The following CDH4 variants were observed in gnomAD, a reference collection of about 807,000 sequenced individuals.
CDH4 encodes the protein cadherin 4.
Under a neutral mutation model 86.0 loss-of-function variants are expected in CDH4, and 33 were observed. The ratio of observed to expected loss-of-function variants is 0.38; its 90% CI spans 0.29 to 0.51. The LOEUF is 0.51. Among genes scored for constraint, CDH4 ranks in the 20% least tolerant of loss-of-function variants. The pLI is 0.86. For missense variants in CDH4, 1,114 were observed against 1,307.4 expected (o/e 0.85, Z 2.28); for synonymous variants, 555 against 549.4 (o/e 1.01, Z -0.14).
intron 4 of CDH4, among the ~76,000 whole-genome samples, chr20:61,776,057 G>T (rs77495242): frequency 2.0e-5 from 3 of 152,176 alleles, no homozygotes; most frequent in Non-Finnish European, 2.9e-5. Context: ...GCTGGGACAG[G>T]CCCCATGAAA....
At chr20:61,658,667 C>T (rs1368668218) in intron 2 of CDH4, among the ~76,000 whole-genome samples, 4 of 152,206 alleles carry the variant, frequency 2.6e-5, no homozygotes, top group Non-Finnish European at 5.9e-5. Flanking sequence ...GTCTCAGCAC[C>T]AGCTGGGGCC....
chr20:61,309,965 G>A lies in CDH4; in HGVS notation c.169+55028G>A, dbSNP rs144300991. On this transcript the variant is annotated intron_variant, in intron 2 of 15. Coordinates refer to ENST00000614565, the MANE Select transcript of CDH4 (RefSeq NM_001794.5). ...CAGAAGCTAGGGTGGCCTCTCCATT[G>A]CTCTCTCTGCTCCCCTGTCCCCTGC... 8.6e-3 allele frequency among the ~76,000 whole-genome samples: 1,311 copies of A among 152,330 alleles called. 20 individuals are homozygous for A. The highest frequency in any genetic ancestry group is 0.03 in the African/African-American group (1,230 of 41,570).
At position 61,676,813 on chromosome 20, in the gene CDH4, G is replaced by A. The variant is rs540678770; in HGVS notation, c.170-66750G>A. Among the ~76,000 whole-genome samples, 7 of 152,352 alleles carry A rather than the reference G, an allele frequency of 4.6e-5. No homozygotes were observed. Among genetic ancestry groups the A allele is most frequent in the Admixed American group, 2.6e-4 (4 of 15,310 alleles). On this transcript the variant is annotated intron_variant, in intron 2 of 15. Coordinates refer to ENST00000614565, the MANE Select transcript of CDH4 (RefSeq NM_001794.5). The surrounding 1 kb of genome is among the most constrained non-coding windows in gnomAD (Gnocchi z 4.5). ...GATCAGGATGAGGCTTGGAGTGGAA[G>A]GGGGTTGCTGTTGTCCAAGGGGAGG...
chr20:61,479,667 G>A (rs2145577399), intron 2 of CDH4, among the ~76,000 whole-genome samples: 1 of 152,278 alleles, frequency 6.6e-6, no homozygotes, highest in Admixed American at 6.5e-5. Flanking sequence ...TTCTAAGTGG[G>A]CTTGGTCTAG....
intron 2 of CDH4, among the ~76,000 whole-genome samples, chr20:61,710,870 A>G (rs1297640002): frequency 6.6e-6 from 1 of 152,196 alleles, no homozygotes; most frequent in African/African-American, 2.4e-5. Flanking sequence ...TGCCCTCATG[A>G]AGCGCGCCTG....
intron 15 of CDH4, 119 bp from the exon 16 acceptor site, chr20:61,936,618 C>A: frequency 1.4e-6 from 1 of 706,818 alleles, no homozygotes; most frequent in Non-Finnish European, 2.1e-6. Context: ...TATTGGACAC[C>A]TACTTTATGC....
At chr20:61,888,448 G>A (rs921575568) in intron 7 of CDH4, among the ~76,000 whole-genome samples, 1 of 152,224 alleles carries the variant, frequency 6.6e-6, no homozygotes, top group Non-Finnish European at 1.5e-5. Flanking sequence ...CCAGAGGTGG[G>A]CTGGCTGGTC....
chr20:61,763,019 C>G (rs934289661), intron 3 of CDH4, among the ~76,000 whole-genome samples: 1 of 152,222 alleles, frequency 6.6e-6, no homozygotes, highest in Non-Finnish European at 1.5e-5. Context: ...TTTCTCAACA[C>G]TGTGGGGCAC....
At chr20:61,771,157 T>C (rs1429411676) in intron 3 of CDH4, among the ~76,000 whole-genome samples, 1 of 151,420 alleles carries the variant, frequency 6.6e-6, no homozygotes, top group Non-Finnish European at 1.5e-5. Flanking sequence ...ACTACAGGCA[T>C]GTGCCACCAC....
chr20:61,291,917 C>T (rs960197806), intron 2 of CDH4, among the ~76,000 whole-genome samples: 3 of 152,148 alleles, frequency 2.0e-5, no homozygotes, highest in African/African-American at 7.2e-5. Context: ...GCTCAAGTAG[C>T]CCCCCGTGTC....
chr20:61,408,495 A>G (rs183029705), intron 2 of CDH4, among the ~76,000 whole-genome samples: 33 of 152,310 alleles, frequency 2.2e-4, no homozygotes, highest in Admixed American at 1.8e-3. Context: ...TGTTTGTTAC[A>G]CTTGGGCACA....
chr20:61,728,338 C>T (rs532268356), intron 2 of CDH4, among the ~76,000 whole-genome samples: 36 of 152,324 alleles, frequency 2.4e-4, no homozygotes, highest in Admixed American at 2.1e-3. Context: ...TGGAAGATCA[C>T]GTCACTGTTG....
At chr20:61,635,780 C>T (rs111504942) in intron 2 of CDH4, among the ~76,000 whole-genome samples, 6 of 152,336 alleles carry the variant, frequency 3.9e-5, no homozygotes, top group East Asian at 1.9e-4. Flanking sequence ...GCTGCAAGCA[C>T]GTCTTCCTGG....
At chr20:61,280,931 C>G (rs1445872698) in intron 2 of CDH4, among the ~76,000 whole-genome samples, 2 of 152,216 alleles carry the variant, frequency 1.3e-5, no homozygotes, top group Non-Finnish European at 1.5e-5. Flanking sequence ...CTGCTGCGTT[C>G]CTCTTTAGGG....
intron 2 of CDH4, among the ~76,000 whole-genome samples, chr20:61,639,947 C>T (rs895355673): frequency 5.9e-5 from 9 of 152,062 alleles, no homozygotes; most frequent in Admixed American, 3.3e-4. Flanking sequence ...AGCTCGGCTT[C>T]GTCATAATTG....
At chr20:61,352,491 C>T (rs765009826) in intron 2 of CDH4, among the ~76,000 whole-genome samples, 2 of 152,246 alleles carry the variant, frequency 1.3e-5, no homozygotes, top group African/African-American at 4.8e-5. Flanking sequence ...GCACTGGCCC[C>T]CGTGCCTGCC....
intron 3 of CDH4, among the ~76,000 whole-genome samples, chr20:61,748,139 TTTC>T (rs1323983825): frequency 6.7e-6 from 1 of 148,150 alleles, no homozygotes; most frequent in African/African-American, 2.6e-5. Context: ...AATGATTTCT[TTTC>T]TTTTTTTTGA....
At chr20:61,926,180 G>A (rs1293570544) in intron 11 of CDH4, among the ~76,000 whole-genome samples, 1 of 152,218 alleles carries the variant, frequency 6.6e-6, no homozygotes, top group East Asian at 1.9e-4. Context: ...GCAGTGACCA[G>A]GGGCTCCGCT....
chr20:61,764,236 T>TA (rs2088672205), intron 3 of CDH4, among the ~76,000 whole-genome samples: 1 of 152,210 alleles, frequency 6.6e-6, no homozygotes, highest in Non-Finnish European at 1.5e-5. Context: ...AGGTGTGGAC[T>TA]TGGGGGCTAG....
Sources: gnomAD v4.1 joint callset for allele counts (sites outside exome capture counted in the v4.1 genomes callset) on GRCh38, gnomAD v4.1.1 for gene constraint, Gnocchi (gnomAD v3.1) non-coding constraint, MANE v1.5 for transcripts, NCBI Gene and HGNC (gene_info 2026-07-23, HGNC 2026-07-21) for gene names.